Variants in AOAH observed in about 807,000 individuals in gnomAD.
AOAH encodes acyloxyacyl hydrolase (neutrophil).
Under a neutral mutation model 92.2 loss-of-function variants are expected in AOAH, and 64 were observed. That is an observed-to-expected ratio of 0.69 (90% CI 0.57 to 0.86). AOAH has a LOEUF of 0.86. Among genes scored for constraint, AOAH ranks in the 40% least tolerant of loss-of-function variants. AOAH has a pLI of 0.00. For missense variants in AOAH, 656 were observed against 694.6 expected, an observed-to-expected ratio of 0.94 and a Z score of 0.62; for synonymous variants, 263 against 254.5, an observed-to-expected ratio of 1.03 and a Z score of -0.32.
chr7:36,658,207 T>G (rs546794772), intron 4 of AOAH, among the ~76,000 whole-genome samples: 1 of 152,304 alleles, frequency 6.6e-6, no homozygotes, highest in African/African-American at 2.4e-5. Context: ...TCTTACTTCC[T>G]GCTCAAGGAG....
At chr7:36,571,325 G>A (rs908405229) in intron 13 of AOAH, among the ~76,000 whole-genome samples, 2 of 152,118 alleles carry the variant, frequency 1.3e-5, no homozygotes, top group African/African-American at 4.8e-5. Flanking sequence ...TTTTGCTAGA[G>A]AGAGGCTGAA....
intron 13 of AOAH, among the ~76,000 whole-genome samples, chr7:36,574,058 T>C (rs1259570170): frequency 6.6e-6 from 1 of 151,938 alleles, no homozygotes; most frequent in Non-Finnish European, 1.5e-5. Context: ...AGAAAGTCCA[T>C]AGCAAGGAAA....
chr7:36,660,211 T>G (rs566156610), intron 3 of AOAH, among the ~76,000 whole-genome samples: 1 of 152,270 alleles, frequency 6.6e-6, no homozygotes, highest in African/African-American at 2.4e-5. Flanking sequence ...AACAGCTTTA[T>G]TGCTCACGCA....
In AOAH at chr7:36,532,347, G is replaced by A. The variant is rs1476936182; in HGVS notation, c.1307-3C>T. 1 of 1,613,494 alleles carries A rather than the reference G, an allele frequency of 6.2e-7. No homozygotes were observed. On this transcript the variant is annotated splice_polypyrimidine_tract_variant and splice_region_variant and intron_variant, in intron 16 of 20. Transcript: ENST00000617537. The stretch of plus-strand genomic sequence containing the variant: ...GGTCATGTCTTTATTTAGCTGGCCT[G>A]GAAAACAGAGAGGTCTGGTAGATTG...
At position 36,538,096 on chromosome 7, in the gene AOAH, C is replaced by T. The variant is rs189455450; in HGVS notation, c.1306+2223G>A. Among the ~76,000 whole-genome samples, 1,175 of 149,474 alleles carry T rather than the reference C, an allele frequency of 7.9e-3. 12 individuals carry two copies. The highest frequency in any genetic ancestry group is 0.013 in the Non-Finnish European group (863 of 67,696). ...AGGCTGGAGTGCAATGGTGCGATCT[C>T]GGCTCACTGCAACCTCTGCCTCCTG... On this transcript the variant is annotated intron_variant, in intron 16 of 20. Coordinates refer to ENST00000617537, the MANE Select transcript of AOAH (RefSeq NM_001637.4).
At chr7:36,710,422 A>G (rs1440853093) in intron 1 of AOAH, among the ~76,000 whole-genome samples, 1 of 152,230 alleles carries the variant, frequency 6.6e-6, no homozygotes, top group African/African-American at 2.4e-5. Flanking sequence ...ATGGGAGTTC[A>G]GTCCGGCAAC....
At chr7:36,525,116 G>A (rs1412650956) in intron 19 of AOAH, among the ~76,000 whole-genome samples, 1 of 152,134 alleles carries the variant, frequency 6.6e-6, no homozygotes. Flanking sequence ...GGACTCTCCT[G>A]GGGTCATCTG....
intron 3 of AOAH, among the ~76,000 whole-genome samples, chr7:36,670,686 AGGATGC>A (rs1173119480): frequency 6.6e-6 from 1 of 152,150 alleles, no homozygotes; most frequent in Non-Finnish European, 1.5e-5. Flanking sequence ...CATGTTGGCC[AGGATGC>A]TCTCGATCTC....
intron 12 of AOAH, among the ~76,000 whole-genome samples, chr7:36,589,295 T>C (rs1185883960): frequency 2.0e-5 from 3 of 152,092 alleles, no homozygotes; most frequent in Admixed American, 2.0e-4. Context: ...AATAATGGAG[T>C]CCCATGTTTA....
At chr7:36,690,484 A>C (rs1194746249) in intron 1 of AOAH, among the ~76,000 whole-genome samples, 1 of 152,220 alleles carries the variant, frequency 6.6e-6, no homozygotes, top group Non-Finnish European at 1.5e-5. Flanking sequence ...TTTAGCAGCA[A>C]AAATGGAGAA....
chr7:36,585,627 T>C (rs1316920251), intron 12 of AOAH, among the ~76,000 whole-genome samples: 1 of 152,200 alleles, frequency 6.6e-6, no homozygotes, highest in Admixed American at 6.5e-5. Context: ...TGAAACACTA[T>C]GCAGTATTGG....
chr7:36,598,328 G>A (rs544664912), intron 11 of AOAH: 37 of 152,322 alleles, frequency 2.4e-4, no homozygotes, highest in Admixed American at 2.2e-3. Context: ...AGGCAGACCA[G>A]GTCACTCGAT....
chr7:36,601,872 G>A (rs1790634196), intron 11 of AOAH, among the ~76,000 whole-genome samples: 1 of 152,182 alleles, frequency 6.6e-6, no homozygotes, highest in Admixed American at 6.5e-5. Flanking sequence ...CAAAACCTCA[G>A]GGCTAAATTC....
At chr7:36,553,638 T>C (rs1786456167) in intron 13 of AOAH, among the ~76,000 whole-genome samples, 1 of 152,118 alleles carries the variant, frequency 6.6e-6, no homozygotes, top group East Asian at 1.9e-4. Flanking sequence ...CCACATCTTC[T>C]CCAGCACCTG....
intron 4 of AOAH, 40 bp from the exon 5 acceptor site, chr7:36,637,950 T>C: frequency 2.7e-6 from 4 of 1,501,478 alleles, no homozygotes; most frequent in Middle Eastern, 1.7e-4. Flanking sequence ...ACTCATGTTT[T>C]ATCTTTTCTT....
At chr7:36,684,672 G>A (rs981968747) in intron 2 of AOAH, among the ~76,000 whole-genome samples, 3 of 151,866 alleles carry the variant, frequency 2.0e-5, no homozygotes, top group Admixed American at 1.3e-4. Flanking sequence ...TCATCTCAGC[G>A]CTTTGGGAGG....
intron 6 of AOAH, among the ~76,000 whole-genome samples, chr7:36,625,480 C>T (rs1172910995): frequency 1.3e-5 from 2 of 152,192 alleles, no homozygotes; most frequent in African/African-American, 4.8e-5. Context: ...AGTATTGGTC[C>T]TCACAAAGTG....
intron 11 of AOAH, among the ~76,000 whole-genome samples, chr7:36,611,402 G>A (rs1057433416): frequency 1.3e-5 from 2 of 152,216 alleles, no homozygotes; most frequent in African/African-American, 4.8e-5. Context: ...TAGGAGTGGG[G>A]AGTAACCCAA....
At position 36,517,210 on chromosome 7, in the gene AOAH, C is replaced by CTTTCTTTCTTTCTTTCTT. The variant is rs1346473171; in HGVS notation, c.1600-3831_1600-3830insAAGAAAGAAAGAAAGAAA. ...TCTTTCTTTCTTTCTTTCTTTCTTT[C>CTTTCTTTCTTTCTTTCTT]TTTCTCTTTCTTTCTGTCTCTCTCT... On this transcript the variant is annotated intron_variant, in intron 20 of 20. Coordinates refer to ENST00000617537, the MANE Select transcript of AOAH (RefSeq NM_001637.4). Among the ~76,000 whole-genome samples the CTTTCTTTCTTTCTTTCTT allele has an allele frequency of 7.4e-3, 492 of 66,874 alleles. 10 individuals carry two copies. Among genetic ancestry groups the CTTTCTTTCTTTCTTTCTT allele is most frequent in the Middle Eastern group, 0.013 (2 of 150 alleles). 43.9% of individuals were successfully genotyped at this position (66,874 alleles called of 152,430 possible).
Sources: gnomAD v4.1 joint callset for allele counts (sites outside exome capture counted in the v4.1 genomes callset) on GRCh38, gnomAD v4.1.1 for gene constraint, MANE v1.5 for transcripts, NCBI Gene and HGNC (gene_info 2026-07-23, HGNC 2026-07-21) for gene names.